ATXN1: variants seen among roughly 807,000 people sequenced by gnomAD.
The protein encoded by ATXN1 is ataxin-1.
ATXN1 carries 8 observed loss-of-function variants against 56.4 expected under a neutral mutation model. The observed-to-expected ratio is 0.14, with a 90% CI of 0.08 to 0.26. The LOEUF is 0.26. Among genes scored for constraint, ATXN1 ranks in the 10% least tolerant of loss-of-function variants. The probability of loss-of-function intolerance (pLI) is 1.00; values close to 1 mark genes in which losing one functional copy is unlikely to be tolerated. For synonymous variants in ATXN1, 514 were observed against 494.6 expected (o/e 1.04, Z -0.52); for missense variants, 987 against 1,106.5 (o/e 0.89, Z 1.53).
intron 2 of ATXN1, among the ~76,000 whole-genome samples, chr6:16,688,193 T>A (rs992244261): frequency 3.3e-5 from 5 of 152,202 alleles, no homozygotes; most frequent in Non-Finnish European, 7.3e-5. Context: ...TATTGATGAA[T>A]TTCCATGAGA....
At chr6:16,348,786 A>G (rs912060973) in intron 6 of ATXN1, among the ~76,000 whole-genome samples, 1 of 152,196 alleles carries the variant, frequency 6.6e-6, no homozygotes, top group Non-Finnish European at 1.5e-5. Flanking sequence ...GCATGCAAGC[A>G]GGCAGTAGTG....
Position 16,598,873 on chromosome 6 carries a change from G to A in ATXN1, c.-488-12966C>T, listed in dbSNP as rs73728025. Among the ~76,000 whole-genome samples, 1,204 of 152,292 alleles carry A rather than the reference G, an allele frequency of 7.9e-3. 14 individuals are homozygous for A. Among genetic ancestry groups the A allele is most frequent in the African/African-American group, 0.027 (1,136 of 41,558 alleles). ...GCTGCTGACATAGAAACTGGCCTCC[G>A]TCAAAAAGTCACACCTCTCCTTTTC... On this transcript the variant is annotated intron_variant, in intron 3 of 7. Transcript: ENST00000436367.
intron 2 of ATXN1, among the ~76,000 whole-genome samples, chr6:16,747,941 C>T (rs1760588571): frequency 6.6e-6 from 1 of 152,200 alleles, no homozygotes; most frequent in Non-Finnish European, 1.5e-5. Flanking sequence ...TTCAGCGCCA[C>T]ACCACCACCT....
chr6:16,693,732 T>C (rs527410514), intron 2 of ATXN1, among the ~76,000 whole-genome samples: 62 of 152,332 alleles, frequency 4.1e-4, no homozygotes, highest in African/African-American at 1.4e-3. Flanking sequence ...GATTAAATTA[T>C]GTTCAGCCTA....
intron 2 of ATXN1, 92 bp downstream of exon 2, chr6:16,753,141 C>T (rs1164626586): frequency 5.5e-6 from 2 of 364,120 alleles, no homozygotes; most frequent in Non-Finnish European, 1.1e-5. Context: ...TATTCAACAG[C>T]CAACAAAGTA....
At chr6:16,644,183 C>T (rs542947617) in intron 3 of ATXN1, among the ~76,000 whole-genome samples, 1 of 152,232 alleles carries the variant, frequency 6.6e-6, no homozygotes, top group Admixed American at 6.5e-5. Flanking sequence ...GAGATGATTG[C>T]ACTACACTGG....
At position 16,470,732 on chromosome 6, in the gene ATXN1, C is replaced by T. The variant is rs117775916; in HGVS notation, c.-161+15240G>A. Among the ~76,000 whole-genome samples, 109 of 152,226 alleles carry T rather than the reference C, an allele frequency of 7.2e-4. 3 individuals are homozygous for T. The East Asian group carries it at 0.02, about 28-fold the overall frequency. Reference sequence around the variant, plus strand: ...CACCATTAAAAAAATTCAGGCCATGCTTGTAATTTCAGCACTTTGGGAGGT... The same window carrying T: ...CACCATTAAAAAAATTCAGGCCATGTTTGTAATTTCAGCACTTTGGGAGGT... On this transcript the variant is annotated intron_variant, in intron 6 of 7. Coordinates refer to ENST00000436367, the MANE Select transcript of ATXN1 (RefSeq NM_001128164.2).
At chr6:16,397,936 T>C (rs1758489497) in intron 6 of ATXN1, among the ~76,000 whole-genome samples, 1 of 152,220 alleles carries the variant, frequency 6.6e-6, no homozygotes, top group African/African-American at 2.4e-5. Context: ...AGTTTCATTG[T>C]CCCTGTTTGA....
rs183934220 is a variant in ATXN1, at chr6:16,385,780, G to A, written c.-160-57310C>T. ...ACATATCAATATTTTTCTGATTACA[G>A]GTTTGGCTTACTACTTTGCCTTTGT... On this transcript the variant is annotated intron_variant, in intron 6 of 7. Transcript: ENST00000436367. 3.3e-5 allele frequency among the ~76,000 whole-genome samples: 5 copies of A among 152,232 alleles called. No individual in the cohort carries two copies. The East Asian group carries it at 9.6e-4, about 29-fold the overall frequency.
chr6:16,620,504 C>A (rs550134150), intron 3 of ATXN1, among the ~76,000 whole-genome samples: 4 of 151,692 alleles, frequency 2.6e-5, no homozygotes, highest in Admixed American at 6.6e-5. Context: ...CACACACAGA[C>A]AGAGAGAGAG....
intron 4 of ATXN1, among the ~76,000 whole-genome samples, chr6:16,561,065 T>TTTTTCATAATTTC (rs1554115563): frequency 6.6e-6 from 1 of 152,014 alleles, no homozygotes; most frequent in Non-Finnish European, 1.5e-5. Context: ...AAAAATAAAA[T>TTTTTCATAATTTC]AAAAAGAATT....
In ATXN1 at chr6:16,308,815, G is replaced by A. The variant is rs79084729; in HGVS notation, c.1918-1956C>T. Among the ~76,000 whole-genome samples, 133 of 152,292 alleles carry A rather than the reference G, an allele frequency of 8.7e-4. 1 individual carries two copies. In the East Asian group the frequency reaches 0.021, roughly 25 times the overall value. ...AAAATATCAGATCTTAAAAAAGGATGCACCAGGGCTTCTCATATAGAGTCA... is the reference window on the plus strand; with the variant it reads ...AAAATATCAGATCTTAAAAAAGGATACACCAGGGCTTCTCATATAGAGTCA... On this transcript the variant is annotated intron_variant, in intron 7 of 7. Coordinates refer to ENST00000436367, the MANE Select transcript of ATXN1 (RefSeq NM_001128164.2).
At chr6:16,508,455 A>C (rs921135092) in intron 5 of ATXN1, among the ~76,000 whole-genome samples, 3 of 152,198 alleles carry the variant, frequency 2.0e-5, no homozygotes, top group African/African-American at 4.8e-5. Context: ...GAAAGGATAA[A>C]GGATGGCATA....
chr6:16,609,399 G>A (rs1334141246), intron 3 of ATXN1, among the ~76,000 whole-genome samples: 1 of 152,214 alleles, frequency 6.6e-6, no homozygotes, highest in Admixed American at 6.5e-5. Context: ...AAGGGGGCTT[G>A]GAGTGAAGCT....
intron 7 of ATXN1, among the ~76,000 whole-genome samples, chr6:16,308,725 G>A (rs1313077800): frequency 1.3e-5 from 2 of 152,032 alleles, no homozygotes; most frequent in Non-Finnish European, 1.5e-5. Context: ...GCAAATAAAA[G>A]CATTCAATTT....
chr6:16,454,027 C>G (rs1360266191), intron 6 of ATXN1, among the ~76,000 whole-genome samples: 1 of 148,096 alleles, frequency 6.8e-6, no homozygotes, highest in Non-Finnish European at 1.5e-5. Flanking sequence ...GCCTGTAATT[C>G]CAGCTACTCA....
At chr6:16,689,521 C>CTTTTTTTTT (rs11374047) in intron 2 of ATXN1, among the ~76,000 whole-genome samples, 4 of 105,206 alleles carry the variant, frequency 3.8e-5, no homozygotes, top group Non-Finnish European at 7.5e-5. Flanking sequence ...TTTTTTTTTT[C>CTTTTTTTTT]TTTTTTTTTT....
At chr6:16,502,973 G>T (rs1277698360) in intron 5 of ATXN1, among the ~76,000 whole-genome samples, 1 of 152,156 alleles carries the variant, frequency 6.6e-6, no homozygotes, top group African/African-American at 2.4e-5. Flanking sequence ...TTATTGCTTT[G>T]AATGCAGAAT....
chr6:16,393,911 T>TTC (rs1758403951), intron 6 of ATXN1, among the ~76,000 whole-genome samples: 1 of 143,618 alleles, frequency 7.0e-6, no homozygotes, highest in African/African-American at 2.9e-5. Context: ...ACCTTTTTTT[T>TTC]TTTTTTTTTG....
Sources: allele counts gnomAD v4.1 joint callset (sites outside exome capture counted in the v4.1 genomes callset), GRCh38; gene constraint gnomAD v4.1.1; transcripts MANE v1.5; gene names NCBI Gene and HGNC (gene_info 2026-07-23, HGNC 2026-07-21).